The following OLFM3 variants were observed in gnomAD, a reference collection of about 807,000 sequenced individuals.
OLFM3 encodes noelin-3.
A neutral mutation model predicts 48.6 loss-of-function variants in OLFM3; 20 were observed. That is an observed-to-expected ratio of 0.41 (90% confidence interval 0.29 to 0.60). The LOEUF (loss-of-function observed/expected upper bound fraction) is 0.60. OLFM3 is among the 20% of genes least tolerant of loss of function. The probability of loss-of-function intolerance (pLI) is 0.28; values close to 1 mark genes in which losing one functional copy is unlikely to be tolerated. For missense variants in OLFM3, 437 were observed against 544.3 expected, an observed-to-expected ratio of 0.80 and a Z score of 1.96; for synonymous variants, 222 against 198.1, an observed-to-expected ratio of 1.12 and a Z score of -1.01.
At chr1:101,994,303 T>G (rs1011424769) in intron 1 of OLFM3, among the ~76,000 whole-genome samples, 4 of 151,006 alleles carry the variant, frequency 2.6e-5, no homozygotes, top group African/African-American at 9.7e-5. Context: ...TGTATTAGTA[T>G]GCAAAAAGGC....
intron 1 of OLFM3, among the ~76,000 whole-genome samples, chr1:101,914,383 G>T (rs1382660388): frequency 6.6e-6 from 1 of 152,140 alleles, no homozygotes; most frequent in South Asian, 2.1e-4. Flanking sequence ...AACTGAGGGT[G>T]GTAACCATGT....
At chr1:101,863,182 G>A (rs1209927460) in intron 1 of OLFM3, among the ~76,000 whole-genome samples, 3 of 152,052 alleles carry the variant, frequency 2.0e-5, no homozygotes, top group African/African-American at 4.8e-5. Flanking sequence ...TGCTGGTCTC[G>A]AACTGGACTC....
chr1:101,866,587 A>C (rs1245452930), intron 1 of OLFM3, among the ~76,000 whole-genome samples: 4 of 152,130 alleles, frequency 2.6e-5, no homozygotes, highest in African/African-American at 9.6e-5. Context: ...AAAAATAGCT[A>C]TGAAAGAACA....
intron 1 of OLFM3, among the ~76,000 whole-genome samples, chr1:101,917,472 A>C (rs1332342949): frequency 6.7e-6 from 1 of 149,844 alleles, no homozygotes; most frequent in Non-Finnish European, 1.5e-5. Flanking sequence ...GCGGAAGTGC[A>C]GTGGTGGCAT....
At chr1:101,993,853 T>G (rs1486370885) in intron 1 of OLFM3, among the ~76,000 whole-genome samples, 3 of 151,378 alleles carry the variant, frequency 2.0e-5, no homozygotes, top group Non-Finnish European at 4.4e-5. Flanking sequence ...TTTAAAAACC[T>G]GAAAACAATA....
chr1:101,951,260 AATGCTGTATGATAATTT>A (rs2101071560), intron 1 of OLFM3, among the ~76,000 whole-genome samples: 1 of 152,352 alleles, frequency 6.6e-6, no homozygotes, highest in Admixed American at 6.5e-5. Flanking sequence ...AGTAATTGTG[AATGCTGTATGATAATTT>A]ATAACATTTT....
intron 1 of OLFM3, among the ~76,000 whole-genome samples, chr1:101,926,202 C>T (rs775684007): frequency 6.6e-6 from 1 of 152,082 alleles, no homozygotes; most frequent in African/African-American, 2.4e-5. Context: ...CCAAGTAAGC[C>T]GTATTCAACC....
intron 2 of OLFM3, among the ~76,000 whole-genome samples, chr1:101,832,052 G>A (rs1168019193): frequency 7.2e-5 from 11 of 152,048 alleles, no homozygotes; most frequent in South Asian, 2.1e-4. Context: ...ACAGGTGCAC[G>A]CCACTACGCC....
At chr1:101,989,587 A>AT (rs897978175) in intron 1 of OLFM3, among the ~76,000 whole-genome samples, 13 of 151,514 alleles carry the variant, frequency 8.6e-5, no homozygotes, top group Middle Eastern at 3.4e-3. Context: ...TTCCTTTTGT[A>AT]TTTTTTTTTA....
At chr1:101,841,725 G>A (rs1056431045) in intron 1 of OLFM3, among the ~76,000 whole-genome samples, 1 of 152,174 alleles carries the variant, frequency 6.6e-6, no homozygotes, top group Non-Finnish European at 1.5e-5. Flanking sequence ...CCTTTGAACA[G>A]AAGAAAATCA....
chr1:101,805,466 C>T (rs1244341646), intron 5 of OLFM3, among the ~76,000 whole-genome samples: 1 of 151,526 alleles, frequency 6.6e-6, no homozygotes, highest in African/African-American at 2.4e-5. Flanking sequence ...TAGAAATAAC[C>T]CTAGAGAATC....
intron 1 of OLFM3, among the ~76,000 whole-genome samples, chr1:101,974,452 A>G (rs1223115498): frequency 5.9e-5 from 9 of 152,198 alleles, no homozygotes; most frequent in Admixed American, 5.9e-4. Flanking sequence ...TGCCTTAAAG[A>G]TCCTGATACC....
intron 1 of OLFM3, among the ~76,000 whole-genome samples, chr1:101,988,282 G>A (rs1661307313): frequency 6.6e-6 from 1 of 152,058 alleles, no homozygotes; most frequent in East Asian, 1.9e-4. Context: ...CCATGCAAAT[G>A]AAATGGACAC....
At chr1:101,808,334 A>C (rs1653879812) in intron 4 of OLFM3, among the ~76,000 whole-genome samples, 1 of 150,686 alleles carries the variant, frequency 6.6e-6, no homozygotes, top group African/African-American at 2.4e-5. Flanking sequence ...ACCAATTTCC[A>C]GAAGGCAGGG....
chr1:101,917,905 C>T (rs1658975902), intron 1 of OLFM3, among the ~76,000 whole-genome samples: 2 of 152,154 alleles, frequency 1.3e-5, no homozygotes, highest in Admixed American at 1.3e-4. Context: ...TTCTCCTGAG[C>T]AGAAAAGAGC....
In OLFM3 at chr1:101,828,030, CTCTG is replaced by C. The variant is rs1178939210; in HGVS notation, c.372+2638_372+2641del. Among the ~76,000 whole-genome samples, 210 of 138,964 alleles carry C rather than the reference CTCTG, an allele frequency of 1.5e-3. 5 individuals are homozygous for C. The South Asian group carries it at 0.026, about 17-fold the overall frequency. The allele number at this position is 138,964 out of a possible 152,430, so 91.2% of individuals were successfully genotyped here. Reference sequence around the variant, plus strand: ...TCATGCTCTCTCTCTCTCTCTCTCTCTCTGTCTGTCTGTCTGTCTGTCTCTCTCT... The same window carrying C: ...TCATGCTCTCTCTCTCTCTCTCTCTCTCTGTCTGTCTGTCTGTCTCTCTCT... On this transcript the variant is annotated intron_variant, in intron 3 of 5. Transcript: ENST00000370103.
chr1:101,923,584 TA>T (rs1659166732), intron 1 of OLFM3, among the ~76,000 whole-genome samples: 1 of 152,168 alleles, frequency 6.6e-6, no homozygotes, highest in African/African-American at 2.4e-5. Context: ...AAAGTCTTAC[TA>T]AATTCTAACA....
chr1:101,830,147 C>T (rs1292494014), intron 3 of OLFM3, among the ~76,000 whole-genome samples: 1 of 152,062 alleles, frequency 6.6e-6, no homozygotes, highest in Non-Finnish European at 1.5e-5. Context: ...CGAGTTTTTT[C>T]TTAAAATTCA....
At chr1:101,838,995 C>T (rs1030385440) in intron 1 of OLFM3, among the ~76,000 whole-genome samples, 2 of 152,144 alleles carry the variant, frequency 1.3e-5, no homozygotes, top group Non-Finnish European at 2.9e-5. Context: ...CTTCTAGGTG[C>T]CGATAGGCCT....
Sources: allele counts gnomAD v4.1 joint callset (sites outside exome capture counted in the v4.1 genomes callset), GRCh38; gene constraint gnomAD v4.1.1; transcripts MANE v1.5; gene names NCBI Gene and HGNC (gene_info 2026-07-23, HGNC 2026-07-21).